Variants in PCDHGA10 observed in about 807,000 individuals in gnomAD.
PCDHGA10 encodes the protein protocadherin gamma-A10.
PCDHGA10 carries 42 observed loss-of-function variants against 59.5 expected under a neutral mutation model. The observed-to-expected ratio is 0.71, with a 90% CI of 0.55 to 0.91. The LOEUF is 0.91. Ranked by LOEUF, PCDHGA10 falls within the 40% of genes least tolerant of loss-of-function variation. The pLI is 0.00. For synonymous variants in PCDHGA10, 511 were observed against 517.2 expected, an observed-to-expected ratio of 0.99 and a Z score of 0.16; for missense variants, 1,111 against 1,198.2, an observed-to-expected ratio of 0.93 and a Z score of 1.07.
chr5:141,505,694 G>A, intron 3 of PCDHGA10, among the ~76,000 whole-genome samples: 1 of 152,208 alleles, frequency 6.6e-6, no homozygotes, highest in East Asian at 1.9e-4. Flanking sequence ...GCCTGGAGGA[G>A]AGCGAACAAG....
intron 1 of PCDHGA10, among the ~76,000 whole-genome samples, chr5:141,438,626 A>G (rs1309857700): frequency 2.3e-5 from 1 of 43,566 alleles, no homozygotes; most frequent in Non-Finnish European, 3.7e-5. Flanking sequence ...ATATATATAT[A>G]TATATATATA....
chr5:141,490,584 T>G lies in PCDHGA10; in HGVS notation c.2437-4223T>G, dbSNP rs751060540. 1 of 1,614,170 alleles carries G rather than the reference T, an allele frequency of 6.2e-7. No individual in the cohort carries two copies. Among genetic ancestry groups the G allele is most frequent in the South Asian group, 1.1e-5 (1 of 91,080 alleles). ...TCAGGCTCAACATTTCAGATGTCAA[T>G]GACAATGCACCCCGCTTCAACCAGC... On this transcript the variant is annotated intron_variant, in intron 1 of 3. Transcript: ENST00000398610. This position sits in a 1 kb window ranked among gnomAD's most constrained non-coding sequence, Gnocchi z 5.4.
chr5:141,450,937 A>G (rs1011608521), intron 1 of PCDHGA10, among the ~76,000 whole-genome samples: 1 of 148,134 alleles, frequency 6.8e-6, no homozygotes, highest in African/African-American at 2.5e-5. Flanking sequence ...CAATTCTCCT[A>G]CCTCAGCCTC....
At position 141,431,020 on chromosome 5, in the gene PCDHGA10, G is replaced by T. The variant is rs941765907; in HGVS notation, c.2436+15409G>T. ...CGCGCAGCGGCAGCTTGGTCACGGCGGGCAGGATAGACCGGGAGGAGCTCT... is the reference window on the plus strand; with the variant it reads ...CGCGCAGCGGCAGCTTGGTCACGGCTGGCAGGATAGACCGGGAGGAGCTCT... On this transcript the variant is annotated intron_variant, in intron 1 of 3. Coordinates refer to ENST00000398610, the MANE Select transcript of PCDHGA10 (RefSeq NM_018913.3). This position sits in a 1 kb window ranked among gnomAD's most constrained non-coding sequence, Gnocchi z 4.8. 2.5e-6 allele frequency: 4 copies of T among 1,614,050 alleles called. No homozygotes were observed. The East Asian group carries it at 8.9e-5, about 36-fold the overall frequency.
rs1450829111 is a variant in PCDHGA10 at position 141,414,350 on chromosome 5, C to T, written c.1175C>T (p.Ala392Val). The change falls in exon 1 of 4, where the codon GCG becomes GTG. Residue 392 changes from alanine (A) to valine (V), a missense_variant. By Grantham distance (64) the Ala-to-Val change is moderately conservative. Coordinates refer to ENST00000398610, the MANE Select transcript of PCDHGA10 (RefSeq NM_018913.3). ...GGACAGGTAACCTGTTCCATTTTGGCGTATCTACCATTTAAATTAGAAAAG... is the reference window on the plus strand; with the variant it reads ...GGACAGGTAACCTGTTCCATTTTGGTGTATCTACCATTTAAATTAGAAAAG... ...QNGQVTCSIL[A>V]YLPFKLEKSI... is the part of the protein sequence containing the mutation. 3 of 1,613,726 alleles carry T rather than the reference C, an allele frequency of 1.9e-6. No individual in the cohort carries two copies. Among genetic ancestry groups the T allele is most frequent in the Admixed American group, 1.7e-5 (1 of 60,020 alleles).
chr5:141,431,932 CT>C lies in PCDHGA10; in HGVS notation c.2436+16324del, dbSNP rs748715936. ...TCTGTTTCATCCAAGGAAATCTGCC[CT>C]TTAAATTAGAAAAATCTTACGGAAA... On this transcript the variant is annotated intron_variant, in intron 1 of 3. Transcript: ENST00000398610. The surrounding 1 kb of genome is among the most constrained non-coding windows in gnomAD (Gnocchi z 4.8). The C allele has an allele frequency of 6.2e-7, 1 of 1,614,172 alleles. No individual in the cohort carries two copies. Among genetic ancestry groups the C allele is most frequent in the Non-Finnish European group, 8.5e-7 (1 of 1,180,002 alleles).
In PCDHGA10 at chr5:141,477,629, C is replaced by A. The variant is rs1191573380; in HGVS notation, c.2437-17178C>A. The A allele has an allele frequency of 6.2e-7, 1 of 1,614,040 alleles. No individual in the cohort carries two copies. The highest frequency in any genetic ancestry group is 8.5e-7 in the Non-Finnish European group (1 of 1,180,040). ...CTTGGAGCAAGGAGCTGAAACCGGGCTAGTGGGTCGCTATTTCACAATAAA... is the reference window on the plus strand; with the variant it reads ...CTTGGAGCAAGGAGCTGAAACCGGGATAGTGGGTCGCTATTTCACAATAAA... On this transcript the variant is annotated intron_variant, in intron 1 of 3. Coordinates refer to ENST00000398610, the MANE Select transcript of PCDHGA10 (RefSeq NM_018913.3). The surrounding 1 kb of genome is among the most constrained non-coding windows in gnomAD (Gnocchi z 4.9).
intron 2 of PCDHGA10, among the ~76,000 whole-genome samples, chr5:141,499,099 C>T (rs1031964059): frequency 1.3e-5 from 2 of 152,156 alleles, no homozygotes; most frequent in Non-Finnish European, 2.9e-5. Context: ...ACATGCTTCT[C>T]CTCCCCACCA....
chr5:141,422,070 A>G (rs1202364320), intron 1 of PCDHGA10: 3 of 1,612,480 alleles, frequency 1.9e-6, no homozygotes, highest in Non-Finnish European at 2.5e-6. Context: ...TAATGTATTC[A>G]TTTCGGAACA....
chr5:141,503,181 A>C (rs532503504), intron 2 of PCDHGA10, among the ~76,000 whole-genome samples: 54 of 152,060 alleles, frequency 3.6e-4, no homozygotes, highest in African/African-American at 1.3e-3. Context: ...TCTATTGTGT[A>C]ATTATTTAAA....
At chr5:141,423,167 T>C in intron 1 of PCDHGA10, 1 of 1,613,424 alleles carries the variant, frequency 6.2e-7, no homozygotes, top group Non-Finnish European at 8.5e-7. Context: ...GTGGTGGCCG[T>C]CCAGGACCAC....
chr5:141,438,063 A>T (rs540817874), intron 1 of PCDHGA10, among the ~76,000 whole-genome samples: 1 of 152,106 alleles, frequency 6.6e-6, no homozygotes, highest in Non-Finnish European at 1.5e-5. Context: ...CTTTTAAGAA[A>T]CCATACTTAA....
At chr5:141,478,694 T>A (rs2099472305) in intron 1 of PCDHGA10, 1 of 1,550,598 alleles carries the variant, frequency 6.4e-7, no homozygotes, top group Admixed American at 2.0e-5. Flanking sequence ...TAGATCAAAG[T>A]TAGTGCCTTT....
chr5:141,423,594 C>A, intron 1 of PCDHGA10: 1 of 1,599,308 alleles, frequency 6.3e-7, no homozygotes, highest in South Asian at 1.1e-5. Context: ...GTGAGAAAAG[C>A]GAGCCACTCT....
chr5:141,461,732 A>G (rs945368729), intron 1 of PCDHGA10, among the ~76,000 whole-genome samples: 5 of 152,154 alleles, frequency 3.3e-5, no homozygotes, highest in Non-Finnish European at 5.9e-5. Context: ...GTGCAGTGGC[A>G]CAATCCCGGC....
chr5:141,490,313 C>G lies in PCDHGA10; in HGVS notation c.2437-4494C>G. The G allele has an allele frequency of 6.2e-7, 1 of 1,614,222 alleles. No individual in the cohort carries two copies. The highest frequency in any genetic ancestry group is 8.5e-7 in the Non-Finnish European group (1 of 1,180,024). Reference sequence around the variant, plus strand: ...GTGCTATTGGCCTCTTTGGCCAACCCTGTCCTAGAGAGCACACCAGTGGGC... The same window carrying G: ...GTGCTATTGGCCTCTTTGGCCAACCGTGTCCTAGAGAGCACACCAGTGGGC... On this transcript the variant is annotated intron_variant, in intron 1 of 3. Transcript: ENST00000398610. The surrounding 1 kb of genome is among the most constrained non-coding windows in gnomAD (Gnocchi z 5.4).
Position 141,415,094 on chromosome 5 carries a change from A to T in PCDHGA10, c.1919A>T (p.Asp640Val). The change falls in exon 1 of 4, where the codon GAC becomes GTC. Residue 640 changes from aspartate (D) to valine (V), a missense_variant. Asp to Val is a radical substitution (Grantham distance 152). Coordinates refer to ENST00000398610, the MANE Select transcript of PCDHGA10 (RefSeq NM_018913.3). ...ACGGCGCGAGCCCTGCTGGACAGAGACGCGCTCAAGCAAAGCCTCGTAGTG... is the reference window on the plus strand; with the variant it reads ...ACGGCGCGAGCCCTGCTGGACAGAGTCGCGCTCAAGCAAAGCCTCGTAGTG... ...VRTARALLDR[D>V]ALKQSLVVAV... 3 of 1,613,530 alleles carry T rather than the reference A, an allele frequency of 1.9e-6. No homozygotes were observed. Among genetic ancestry groups the T allele is most frequent in the Non-Finnish European group, 2.5e-6 (3 of 1,179,970 alleles).
At chr5:141,423,026 G>A in intron 1 of PCDHGA10, 2 of 1,614,210 alleles carry the variant, frequency 1.2e-6, no homozygotes, top group African/African-American at 1.3e-5. Flanking sequence ...AAAGATTCAG[G>A]CCAGAACGCC....
intron 2 of PCDHGA10, among the ~76,000 whole-genome samples, chr5:141,499,301 TC>T (rs771049830): frequency 6.6e-6 from 1 of 152,166 alleles, no homozygotes; most frequent in Non-Finnish European, 1.5e-5. Context: ...CTACCATCCC[TC>T]CTCTGAGAGA....
Sources: gnomAD v4.1 joint callset for allele counts (sites outside exome capture counted in the v4.1 genomes callset) on GRCh38, gnomAD v4.1.1 for gene constraint, Gnocchi (gnomAD v3.1) non-coding constraint, MANE v1.5 for transcripts, NCBI Gene and HGNC (gene_info 2026-07-23, HGNC 2026-07-21) for gene names.